The following SGMS1 variants were observed in gnomAD, a reference collection of about 807,000 sequenced individuals.
SGMS1 encodes sphingomyelin synthase 1.
In SGMS1, 13 loss-of-function variants were observed where a neutral mutation model predicts 46.2. That is an observed-to-expected ratio of 0.28 (90% confidence interval 0.18 to 0.45). The LOEUF (loss-of-function observed/expected upper bound fraction) is 0.45. Among genes scored for constraint, SGMS1 ranks in the 20% least tolerant of loss-of-function variants. The pLI, the probability that SGMS1 is intolerant of heterozygous loss-of-function variation, is 1.00. For missense variants in SGMS1, 324 were observed against 519.9 expected, an observed-to-expected ratio of 0.62 and a Z score of 3.66; for synonymous variants, 203 against 187.8, an observed-to-expected ratio of 1.08 and a Z score of -0.66.
chr10:50,394,063 G>A (rs188144265), intron 6 of SGMS1, among the ~76,000 whole-genome samples: 141 of 152,326 alleles, frequency 9.3e-4, no homozygotes, highest in African/African-American at 2.9e-3. Context: ...TCCCTAGGCT[G>A]AAGGCAGAAA....
intron 6 of SGMS1, among the ~76,000 whole-genome samples, chr10:50,430,778 T>G (rs955577312): frequency 3.9e-5 from 6 of 152,170 alleles, no homozygotes; most frequent in Non-Finnish European, 7.4e-5. Context: ...AGTTTGAAAT[T>G]ATAGTTTTCT....
intron 5 of SGMS1, among the ~76,000 whole-genome samples, chr10:50,446,019 A>G (rs1318484128): frequency 6.6e-6 from 1 of 152,168 alleles, no homozygotes; most frequent in African/African-American, 2.4e-5. Context: ...TAGTGCTCCC[A>G]GGCTTATTAG....
At chr10:50,563,058 A>G (rs1256209649) in intron 2 of SGMS1, among the ~76,000 whole-genome samples, 1 of 152,346 alleles carries the variant, frequency 6.6e-6, no homozygotes, top group East Asian at 1.9e-4. Context: ...CATTCCCAGA[A>G]TCAAACATGA....
intron 4 of SGMS1, among the ~76,000 whole-genome samples, chr10:50,461,278 G>A (rs1285445426): frequency 6.6e-6 from 1 of 151,912 alleles, no homozygotes; most frequent in African/African-American, 2.4e-5. Flanking sequence ...ATCTCTCTGG[G>A]GCCAAAACAT....
chr10:50,541,992 A>G (rs188710643), intron 2 of SGMS1, among the ~76,000 whole-genome samples: 1 of 152,314 alleles, frequency 6.6e-6, no homozygotes, highest in Non-Finnish European at 1.5e-5. Context: ...TAGAAGGGGA[A>G]GAGGCTGCAT....
intron 4 of SGMS1, among the ~76,000 whole-genome samples, chr10:50,465,651 T>C (rs1210080406): frequency 6.6e-6 from 1 of 151,966 alleles, no homozygotes; most frequent in Non-Finnish European, 1.5e-5. Context: ...GAGATCAAAC[T>C]AGTAGGTGAA....
chr10:50,596,340 C>T (rs1029872078), intron 1 of SGMS1, among the ~76,000 whole-genome samples: 11 of 152,296 alleles, frequency 7.2e-5, no homozygotes, highest in African/African-American at 2.4e-4. Context: ...CAACACCTGG[C>T]TAATTTTTTG....
At chr10:50,469,761 C>T (rs963305124) in intron 3 of SGMS1, among the ~76,000 whole-genome samples, 2 of 152,130 alleles carry the variant, frequency 1.3e-5, no homozygotes. Flanking sequence ...TATGTGTTTA[C>T]TACTGGTGAC....
At chr10:50,605,491 A>C (rs1326278469) in intron 1 of SGMS1, among the ~76,000 whole-genome samples, 1 of 152,260 alleles carries the variant, frequency 6.6e-6, no homozygotes, top group East Asian at 1.9e-4. Context: ...CTATCAGAGC[A>C]AAAGATATGA....
intron 5 of SGMS1, among the ~76,000 whole-genome samples, chr10:50,457,582 C>T (rs113546398): frequency 1.4e-4 from 22 of 152,208 alleles, no homozygotes; most frequent in African/African-American, 4.6e-4. Context: ...CCCACCCTCT[C>T]TCTCAAGCAT....
intron 5 of SGMS1, among the ~76,000 whole-genome samples, chr10:50,438,637 T>C (rs76080511): frequency 5.9e-5 from 9 of 152,354 alleles, no homozygotes; most frequent in South Asian, 2.1e-4. Flanking sequence ...TTGTGCTAGA[T>C]TGTTATGTAG....
At chr10:50,571,951 T>C (rs1007799231) in intron 2 of SGMS1, among the ~76,000 whole-genome samples, 19 of 152,266 alleles carry the variant, frequency 1.2e-4, no homozygotes, top group African/African-American at 4.3e-4. Context: ...CCTGGGCTCT[T>C]ACACATCACC....
Position 50,587,023 on chromosome 10 carries a change from A to C in SGMS1, c.-589+3130T>G, listed in dbSNP as rs1054727557. ...CAGGAATCTAATATGTTGTTGAATG[A>C]GAGAAGCCAGACACAAAAGAGTACA... On this transcript the variant is annotated intron_variant, in intron 2 of 10. Coordinates refer to ENST00000361781, the MANE Select transcript of SGMS1 (RefSeq NM_147156.4). 3.9e-5 allele frequency among the ~76,000 whole-genome samples: 6 copies of C among 152,376 alleles called. No homozygotes were observed. In the South Asian group the frequency reaches 1.2e-3, roughly 32 times the overall value.
At chr10:50,527,087 AAAG>A (rs1301621399) in intron 2 of SGMS1, among the ~76,000 whole-genome samples, 1,624 of 133,858 alleles carry the variant, frequency 0.012, 44 homozygotes, top group African/African-American at 0.049. Context: ...AAAAAAAAAA[AAAG>A]AAAGAAAGAA....
At chr10:50,401,927 C>T (rs186922216) in intron 6 of SGMS1, among the ~76,000 whole-genome samples, 1 of 152,276 alleles carries the variant, frequency 6.6e-6, no homozygotes, top group African/African-American at 2.4e-5. Flanking sequence ...ACTTAGTCAC[C>T]TTGATTTTTT....
chr10:50,420,251 A>T (rs1450975200), intron 6 of SGMS1, among the ~76,000 whole-genome samples: 1 of 152,234 alleles, frequency 6.6e-6, no homozygotes, highest in Non-Finnish European at 1.5e-5. Context: ...TTCTGGAATC[A>T]TCTGAGCTCC....
At chr10:50,511,224 G>A (rs2133773047) in intron 3 of SGMS1, among the ~76,000 whole-genome samples, 1 of 146,812 alleles carries the variant, frequency 6.8e-6, no homozygotes, top group South Asian at 2.2e-4. Flanking sequence ...TTTAGAGTGT[G>A]AGAAATATTC....
intron 2 of SGMS1, among the ~76,000 whole-genome samples, chr10:50,560,346 T>C (rs1459801111): frequency 7.3e-6 from 1 of 137,860 alleles, no homozygotes; most frequent in Non-Finnish European, 1.5e-5. Context: ...ATATTATTAA[T>C]AATATATATT....
chr10:50,314,574 C>G (rs779370500), intron 8 of SGMS1, among the ~76,000 whole-genome samples: 2 of 152,152 alleles, frequency 1.3e-5, no homozygotes, highest in African/African-American at 4.8e-5. Flanking sequence ...AGGAGTCTAC[C>G]TCAAAGAAAT....
Sources: allele counts gnomAD v4.1 joint callset (sites outside exome capture counted in the v4.1 genomes callset), GRCh38; gene constraint gnomAD v4.1.1; transcripts MANE v1.5; gene names NCBI Gene and HGNC (gene_info 2026-07-23, HGNC 2026-07-21).